GAK: variants seen among roughly 807,000 people sequenced by gnomAD.
GAK encodes the protein cyclin G associated kinase.
A neutral mutation model predicts 143.9 loss-of-function variants in GAK; 79 were observed. That is an observed-to-expected ratio of 0.55 (90% CI 0.46 to 0.66). The LOEUF is 0.66. GAK is among the 30% of genes least tolerant of loss of function. GAK has a pLI of 0.00. For synonymous variants in GAK, 881 were observed against 765.5 expected (o/e 1.15, Z -2.49); for missense variants, 1,693 against 1,779.7 (o/e 0.95, Z 0.88).
At chr4:899,003 G>A (rs1199935131) in intron 5 of GAK, among the ~76,000 whole-genome samples, 1 of 152,258 alleles carries the variant, frequency 6.6e-6, no homozygotes, top group Non-Finnish European at 1.5e-5. Flanking sequence ...GTGCTGCTGA[G>A]AAGCCACGGA....
intron 7 of GAK, 86 bp downstream of exon 7, chr4:896,374 G>C (rs889676183): frequency 2.1e-6 from 2 of 944,230 alleles, no homozygotes; most frequent in African/African-American, 1.6e-5. Context: ...GGCCAGTTCC[G>C]AGTGGCAGGT....
rs922219952 is a variant in GAK at position 904,735 on chromosome 4, G to C, written c.427C>G (p.Leu143Val). The C allele has an allele frequency of 1.2e-6, 2 of 1,614,054 alleles. No homozygotes were observed. Among genetic ancestry groups the C allele is most frequent in the Admixed American group, 1.7e-5 (1 of 60,000 alleles). Residue 143 changes from leucine (L) to valine (V), a missense_variant, in exon 5 of 28, where the codon CTT becomes GTT. Physicochemically the swap from Leu to Val is conservative, Grantham distance 32 (BLOSUM62 1). Coordinates refer to ENST00000314167, the MANE Select transcript of GAK (RefSeq NM_005255.4). ...ATCTTCAGAACCGTGTCGCACGAAA[G>C]GGGGCCTCGAGATTCCATTTTCTTC... is the stretch of plus-strand genomic sequence containing the variant. ...FLKKMESRGPLSCDTVLKIFY... is the reference protein window; with the variant it reads ...FLKKMESRGPVSCDTVLKIFY...
In GAK at chr4:898,013, A is replaced by G; in HGVS notation, c.651+20T>C. 1 of 1,606,000 alleles carries G rather than the reference A, an allele frequency of 6.2e-7. No homozygotes were observed. Among genetic ancestry groups the G allele is most frequent in the East Asian group, 2.2e-5 (1 of 44,678 alleles). On this transcript the variant is annotated intron_variant, in intron 6 of 27. Coordinates refer to ENST00000314167, the MANE Select transcript of GAK (RefSeq NM_005255.4). ...GTGGGAAGGGCCAGCTTCCCCCAGC[A>G]TAGGCCCCACTCAGCTCACCTCTTC...
chr4:893,655 T>C (rs919293777), intron 8 of GAK, among the ~76,000 whole-genome samples, 166 bp from the exon 9 acceptor site: 29 of 152,122 alleles, frequency 1.9e-4, no homozygotes, highest in African/African-American at 6.7e-4. Flanking sequence ...CCGAACAAAA[T>C]GATCAAAAAT....
chr4:893,894 G>A lies in GAK; in HGVS notation c.857C>T (p.Thr286Met), dbSNP rs752900088. The A allele has an allele frequency of 3.1e-5, 49 of 1,605,774 alleles. No homozygotes were observed. Among genetic ancestry groups the A allele is most frequent in the Middle Eastern group, 1.7e-4 (1 of 6,042 alleles). Residue 286 changes from threonine (T) to methionine (M), a missense_variant, in exon 8 of 28, where the codon ACG becomes ATG. Around this residue, in one of 2 missense-constraint regions of GAK, gnomAD observed 871 missense variants for 991.0 expected, o/e 0.88. Coordinates refer to ENST00000314167, the MANE Select transcript of GAK (RefSeq NM_005255.4). ...YSIPPHDTQY[T>M]VFHSLIRAML... ...CTTACGGATGAGGCTGTGGAAGACC[G>A]TGTACTGCGTGTCGTGCGGGGGGAT... is the stretch of plus-strand genomic sequence containing the variant.
intron 11 of GAK, chr4:884,343 A>G (rs1560354070): frequency 2.0e-6 from 1 of 497,136 alleles, no homozygotes; most frequent in East Asian, 3.8e-5. Flanking sequence ...GACAGGAGAG[A>G]CATCCGCTGT....
Position 907,142 on chromosome 4 carries a change from C to T in GAK, c.383-2363G>A, listed in dbSNP as rs555759654. On this transcript the variant is annotated intron_variant, in intron 4 of 27. Coordinates refer to ENST00000314167, the MANE Select transcript of GAK (RefSeq NM_005255.4). The stretch of plus-strand genomic sequence containing the variant: ...ATGAAGGCATGGTGTGAGAGCCGGT[C>T]GGGACCTGCCACAGCTCAGGCTGGG... Among the ~76,000 whole-genome samples, 12 of 152,282 alleles carry T rather than the reference C, an allele frequency of 7.9e-5. No individual in the cohort carries two copies. In the East Asian group the frequency reaches 1.5e-3, roughly 20 times the overall value.
chr4:880,670 C>G (rs1714915927), intron 15 of GAK, among the ~76,000 whole-genome samples: 1 of 152,152 alleles, frequency 6.6e-6, no homozygotes, highest in African/African-American at 2.4e-5. Flanking sequence ...TACGTCCACC[C>G]CAGACAGCAC....
In GAK at chr4:898,044, C is replaced by A; in HGVS notation, c.640G>T (p.Val214Leu). The change falls in exon 6 of 28, where the codon GTG (valine) becomes TTG (leucine). Residue 214 changes from valine to leucine, a missense_variant. Physicochemically the swap from Val to Leu is conservative, Grantham distance 32. This residue lies in a region of GAK where 871 missense variants were observed against 991.0 expected (regional missense o/e 0.88). Coordinates refer to ENST00000314167, the MANE Select transcript of GAK (RefSeq NM_005255.4). ...CCCACTCAGCTCACCTCTTCCTCCA[C>A]CAGGGCTCGCCTCTGGGCGCTCCAG... ...YSWSAQRRALVEEEITRNTTP... is the reference protein window; with the variant it reads ...YSWSAQRRALLEEEITRNTTP... The A allele has an allele frequency of 6.2e-7, 1 of 1,613,128 alleles. No homozygotes were observed. The highest frequency in any genetic ancestry group is 1.7e-5 in the Admixed American group (1 of 59,986).
chr4:871,240 G>A (rs997324236), intron 18 of GAK, among the ~76,000 whole-genome samples: 1 of 152,232 alleles, frequency 6.6e-6, no homozygotes, highest in Non-Finnish European at 1.5e-5. Context: ...GCAACTCCAG[G>A]GGAGGCCACG....
At chr4:894,038 G>A (rs1257894532) in intron 7 of GAK, 29 bp from the exon 8 acceptor site, 1 of 1,559,976 alleles carries the variant, frequency 6.4e-7, no homozygotes, top group Non-Finnish European at 8.7e-7. Context: ...TGATGCCTAG[G>A]CCCACGGGGA....
chr4:922,381 G>T (rs993585029), intron 1 of GAK, among the ~76,000 whole-genome samples: 37 of 152,196 alleles, frequency 2.4e-4, no homozygotes, highest in African/African-American at 7.9e-4. Context: ...GGCGCATGGT[G>T]GTGGGCGCCT....
chr4:925,153 C>T (rs533492199), intron 1 of GAK, among the ~76,000 whole-genome samples: 12 of 152,194 alleles, frequency 7.9e-5, no homozygotes, highest in Admixed American at 1.3e-4. Flanking sequence ...TTACCAAACT[C>T]GCTACTCAGA....
At chr4:861,891 A>G (rs1750345718) in intron 23 of GAK, among the ~76,000 whole-genome samples, 1 of 152,274 alleles carries the variant, frequency 6.6e-6, no homozygotes, top group South Asian at 2.1e-4. Flanking sequence ...AACTCTTTCA[A>G]TTCTATGAAG....
intron 1 of GAK, among the ~76,000 whole-genome samples, chr4:929,990 C>A (rs2152987239): frequency 6.6e-6 from 1 of 152,304 alleles, no homozygotes; most frequent in South Asian, 2.1e-4. Flanking sequence ...TTTCCCAAGT[C>A]TTCTGGGAGT....
At chr4:930,457 G>A (rs1241877373) in intron 1 of GAK, among the ~76,000 whole-genome samples, 2 of 150,706 alleles carry the variant, frequency 1.3e-5, no homozygotes, top group Non-Finnish European at 3.0e-5. Context: ...TCCTCTCCGG[G>A]CCCCAGTGAG....
intron 1 of GAK, among the ~76,000 whole-genome samples, chr4:920,796 C>T (rs1159722705): frequency 2.0e-5 from 3 of 152,108 alleles, no homozygotes; most frequent in African/African-American, 7.2e-5. Context: ...CCTGCCTCGG[C>T]CTCCCAAAGT....
At chr4:899,604 A>T (rs1719477902) in intron 5 of GAK, among the ~76,000 whole-genome samples, 1 of 152,186 alleles carries the variant, frequency 6.6e-6, no homozygotes, top group Admixed American at 6.5e-5. Flanking sequence ...ACAGGAGAAA[A>T]AATGCAAACT....
At chr4:895,782 C>G (rs1350868657) in intron 7 of GAK, among the ~76,000 whole-genome samples, 1 of 152,232 alleles carries the variant, frequency 6.6e-6, no homozygotes, top group African/African-American at 2.4e-5. Flanking sequence ...CCCCAGCCAT[C>G]AGGCTCAGCC....
Sources: allele counts gnomAD v4.1 joint callset (sites outside exome capture counted in the v4.1 genomes callset), GRCh38; gene constraint gnomAD v4.1.1; regional missense constraint gnomAD v4.1.1; transcripts MANE v1.5; gene names NCBI Gene and HGNC (gene_info 2026-07-23, HGNC 2026-07-21).